Variants in IL1RAPL1 observed in about 807,000 individuals in gnomAD.
The protein encoded by IL1RAPL1 is interleukin-1 receptor accessory protein-like 1.
Under a neutral mutation model 48.4 loss-of-function variants are expected in IL1RAPL1, and 3 were observed. The observed-to-expected ratio is 0.06, with a 90% confidence interval of 0.03 to 0.16. The LOEUF (loss-of-function observed/expected upper bound fraction) is 0.16. Ranked by LOEUF, IL1RAPL1 falls within the 10% of genes least tolerant of loss-of-function variation. The pLI is 1.00. For missense variants in IL1RAPL1, 349 were observed against 530.6 expected, an observed-to-expected ratio of 0.66 and a Z score of 3.36; for synonymous variants, 185 against 187.7, an observed-to-expected ratio of 0.99 and a Z score of 0.12.
rs138967927 is a variant in IL1RAPL1, at chrX:29,183,603, T to A, written c.83-99335T>A. Among the ~76,000 whole-genome samples the A allele has an allele frequency of 3.3e-3, 368 of 112,072 alleles. 1 individual carries two copies. Among genetic ancestry groups the A allele is most frequent in the African/African-American group, 0.011 (352 of 30,814 alleles). On this transcript the variant is annotated intron_variant, in intron 2 of 10. Transcript: ENST00000378993. Reference sequence around the variant, plus strand: ...GTCATCCCCAGTACAGATGAGATTATTTTCTTGCCTCTGGCTCTTTGTTCA... The same window carrying A: ...GTCATCCCCAGTACAGATGAGATTAATTTCTTGCCTCTGGCTCTTTGTTCA...
intron 2 of IL1RAPL1, among the ~76,000 whole-genome samples, chrX:28,800,847 TTTTATTTATTTATTTATTTA>T (rs201705177): frequency 2.8e-4 from 26 of 93,709 alleles, no homozygotes; most frequent in African/African-American, 8.9e-4. Context: ...ATTAAAGGGA[TTTTATTTATTTATTTATTTA>T]TTTATTTATT....
At chrX:29,301,813 T>G (rs1932540043) in intron 3 of IL1RAPL1, among the ~76,000 whole-genome samples, 2 of 110,915 alleles carry the variant, frequency 1.8e-5, no homozygotes. Flanking sequence ...AAAGAGCTGT[T>G]GCAACCAGAG....
At chrX:29,205,828 G>A (rs182004804) in intron 2 of IL1RAPL1, among the ~76,000 whole-genome samples, 2,044 of 109,476 alleles carry the variant, frequency 0.019, 50 homozygotes, top group African/African-American at 0.063. Flanking sequence ...TCTGCCACCC[G>A]GGTTCAAGCG....
At chrX:28,622,552 A>T (rs1934296352) in intron 1 of IL1RAPL1, among the ~76,000 whole-genome samples, 1 of 112,138 alleles carries the variant, frequency 8.9e-6, no homozygotes, top group East Asian at 2.8e-4. Flanking sequence ...TTAATCAGTG[A>T]GAGAAGTAAT....
intron 2 of IL1RAPL1, among the ~76,000 whole-genome samples, chrX:29,153,992 T>C (rs1023106509): frequency 2.7e-5 from 3 of 112,280 alleles, no homozygotes; most frequent in Non-Finnish European, 5.6e-5. Context: ...TCTTTGCTTT[T>C]CTTGCGAAGT....
At chrX:29,257,459 T>C (rs1462468393) in intron 2 of IL1RAPL1, among the ~76,000 whole-genome samples, 2 of 111,671 alleles carry the variant, frequency 1.8e-5, no homozygotes, top group Non-Finnish European at 3.8e-5. Flanking sequence ...AATAGTGACA[T>C]TTTATCTCCC....
chrX:29,248,340 G>A (rs1304215703), intron 2 of IL1RAPL1, among the ~76,000 whole-genome samples: 4 of 111,532 alleles, frequency 3.6e-5, no homozygotes, highest in African/African-American at 9.8e-5. Flanking sequence ...TTGCTTGAAC[G>A]TGGGAGGCGG....
intron 2 of IL1RAPL1, among the ~76,000 whole-genome samples, chrX:28,990,790 A>G (rs945768046): frequency 2.7e-5 from 3 of 111,773 alleles, no homozygotes; most frequent in African/African-American, 3.3e-5. Context: ...GATGGTATCC[A>G]TATGTTAGAT....
chrX:29,679,754 G>C (rs1926395055), intron 6 of IL1RAPL1, among the ~76,000 whole-genome samples: 1 of 111,620 alleles, frequency 9.0e-6, no homozygotes, highest in South Asian at 3.7e-4. Flanking sequence ...TTATGTAATG[G>C]GAGCTAAATA....
intron 2 of IL1RAPL1, among the ~76,000 whole-genome samples, chrX:28,847,246 A>G (rs1427087289): frequency 2.7e-5 from 3 of 111,000 alleles, no homozygotes; most frequent in African/African-American, 9.8e-5. Context: ...GAAGAGTTGA[A>G]TGGACTCAAA....
chrX:29,550,385 G>A (rs1454809201), intron 5 of IL1RAPL1, among the ~76,000 whole-genome samples: 1 of 110,456 alleles, frequency 9.1e-6, no homozygotes. Flanking sequence ...TAGTAGAGAC[G>A]GGGTTTCACC....
chrX:28,938,957 C>A (rs1014397063), intron 2 of IL1RAPL1, among the ~76,000 whole-genome samples: 1 of 108,727 alleles, frequency 9.2e-6, no homozygotes, highest in African/African-American at 3.4e-5. Context: ...AAATGCAAAT[C>A]AAAACCACAA....
At chrX:29,164,155 G>C (rs780260786) in intron 2 of IL1RAPL1, among the ~76,000 whole-genome samples, 9 of 111,402 alleles carry the variant, frequency 8.1e-5, no homozygotes, top group Non-Finnish European at 1.7e-4. Context: ...CTGCTATTTA[G>C]CCACTTCTTC....
At chrX:28,987,984 A>G (rs1230187672) in intron 2 of IL1RAPL1, among the ~76,000 whole-genome samples, 1 of 112,192 alleles carries the variant, frequency 8.9e-6, no homozygotes, top group African/African-American at 3.2e-5. Context: ...AAAGGCACAC[A>G]ATAGCAATCA....
chrX:29,021,777 A>G (rs1473603949), intron 2 of IL1RAPL1, among the ~76,000 whole-genome samples: 1 of 111,467 alleles, frequency 9.0e-6, no homozygotes, highest in African/African-American at 3.3e-5. Context: ...AACAGCAGTA[A>G]ATCTTATTTA....
chrX:29,756,057 G>A (rs760526552), intron 6 of IL1RAPL1, among the ~76,000 whole-genome samples: 1 of 111,426 alleles, frequency 9.0e-6, no homozygotes, highest in African/African-American at 3.3e-5. Context: ...CTACCTCATA[G>A]GGCTGTTATA....
At chrX:29,307,339 T>C (rs1197852809) in intron 3 of IL1RAPL1, among the ~76,000 whole-genome samples, 2 of 112,512 alleles carry the variant, frequency 1.8e-5, no homozygotes, top group Admixed American at 1.9e-4. Context: ...AATTATTTTT[T>C]CCTGAAGTTT....
intron 9 of IL1RAPL1, among the ~76,000 whole-genome samples, chrX:29,950,876 C>A (rs1401297984): frequency 9.0e-6 from 1 of 110,521 alleles, no homozygotes; most frequent in Non-Finnish European, 1.9e-5. Context: ...GACGAGGTTT[C>A]ACCGTGTTAG....
intron 5 of IL1RAPL1, among the ~76,000 whole-genome samples, chrX:29,432,283 C>T (rs1039606856): frequency 9.0e-6 from 1 of 111,381 alleles, no homozygotes; most frequent in Non-Finnish European, 1.9e-5. Flanking sequence ...TGTAAATCTT[C>T]TTTCAGTCTC....
Sources: allele counts gnomAD v4.1 joint callset (sites outside exome capture counted in the v4.1 genomes callset), GRCh38; gene constraint gnomAD v4.1.1; transcripts MANE v1.5; gene names NCBI Gene and HGNC (gene_info 2026-07-23, HGNC 2026-07-21).